SPATA16: variants seen among roughly 807,000 people sequenced by gnomAD.
SPATA16 encodes the protein spermatogenesis-associated protein 16.
A neutral mutation model predicts 63.3 loss-of-function variants in SPATA16; 36 were observed. The ratio of observed to expected loss-of-function variants is 0.57; its 90% CI spans 0.44 to 0.75. SPATA16 has a LOEUF of 0.75. Among genes scored for constraint, SPATA16 ranks in the 30% least tolerant of loss-of-function variants. The probability of loss-of-function intolerance (pLI) is 0.00; values close to 1 mark genes in which losing one functional copy is unlikely to be tolerated. For synonymous variants in SPATA16, 203 were observed against 216.7 expected (o/e 0.94, Z 0.56); for missense variants, 646 against 679.3 (o/e 0.95, Z 0.54).
intron 4 of SPATA16, among the ~76,000 whole-genome samples, chr3:172,996,995 T>A (rs1734707452): frequency 6.6e-6 from 1 of 152,154 alleles, no homozygotes; most frequent in South Asian, 2.1e-4. Flanking sequence ...AACAGTATTC[T>A]ATTGTCTAGA....
chr3:173,055,578 TA>T (rs1309224847), intron 2 of SPATA16, among the ~76,000 whole-genome samples: 2 of 152,220 alleles, frequency 1.3e-5, no homozygotes, highest in Non-Finnish European at 2.9e-5. Flanking sequence ...GAGAACAGAT[TA>T]TTGATAATGA....
chr3:173,063,437 G>T (rs1305550636), intron 2 of SPATA16, among the ~76,000 whole-genome samples: 1 of 152,166 alleles, frequency 6.6e-6, no homozygotes, highest in African/African-American at 2.4e-5. Context: ...GAGAAAAGGG[G>T]CACGGTTCTT....
At chr3:172,956,027 G>A (rs79932758) in intron 6 of SPATA16, among the ~76,000 whole-genome samples, 6,151 of 152,110 alleles carry the variant, frequency 0.04, 422 homozygotes, top group African/African-American at 0.14. Context: ...TTCTTAACAC[G>A]GAAGTCATTG....
chr3:173,040,499 A>G (rs1055713234), intron 3 of SPATA16, among the ~76,000 whole-genome samples: 2 of 152,144 alleles, frequency 1.3e-5, no homozygotes, highest in African/African-American at 4.8e-5. Flanking sequence ...GCTAAATGTT[A>G]TTATTCACAA....
chr3:173,000,386 A>G (rs1734789817), intron 4 of SPATA16, among the ~76,000 whole-genome samples: 1 of 152,160 alleles, frequency 6.6e-6, no homozygotes, highest in South Asian at 2.1e-4. Flanking sequence ...TACTTTAAAT[A>G]TTTCACTCTG....
At chr3:173,034,971 C>A (rs551018675) in intron 3 of SPATA16, among the ~76,000 whole-genome samples, 30 of 152,142 alleles carry the variant, frequency 2.0e-4, no homozygotes, top group Non-Finnish European at 4.0e-4. Context: ...TTCTTTGGCT[C>A]ACTGTATTGA....
In SPATA16 at chr3:173,068,041, A is replaced by C. The variant is rs191131080; in HGVS notation, c.613-18947T>G. Among the ~76,000 whole-genome samples the C allele has an allele frequency of 1.1e-3, 162 of 152,338 alleles. 1 individual carries two copies. Among genetic ancestry groups the C allele is most frequent in the Non-Finnish European group, 2.0e-3 (137 of 68,016 alleles). On this transcript the variant is annotated intron_variant, in intron 2 of 10. Transcript: ENST00000351008. ...TCCTTCAAACATGAAGGAGACAAAC[A>C]AAAGCTGTGGGACTTCATCAACTCT...
At chr3:173,042,915 A>G (rs1465347424) in intron 3 of SPATA16, among the ~76,000 whole-genome samples, 2 of 152,184 alleles carry the variant, frequency 1.3e-5, no homozygotes, top group African/African-American at 4.8e-5. Context: ...TTGAAATTTT[A>G]ATTGAGTCTT....
At chr3:173,096,720 G>A (rs146894491) in intron 2 of SPATA16, among the ~76,000 whole-genome samples, 34 of 152,132 alleles carry the variant, frequency 2.2e-4, no homozygotes, top group African/African-American at 7.0e-4. Flanking sequence ...TTGAATTTAG[G>A]TAATGTATCC....
At chr3:172,917,393 T>C (rs1413191868) in intron 8 of SPATA16, among the ~76,000 whole-genome samples, 2 of 152,144 alleles carry the variant, frequency 1.3e-5, no homozygotes, top group African/African-American at 2.4e-5. Context: ...TGATGAGAAA[T>C]GGGAATTCAA....
intron 6 of SPATA16, among the ~76,000 whole-genome samples, chr3:172,925,764 T>C (rs548737546): frequency 6.6e-6 from 1 of 152,298 alleles, no homozygotes; most frequent in South Asian, 2.1e-4. Flanking sequence ...TTCAGAATAA[T>C]AGACATTCAG....
chr3:172,963,884 C>G (rs1733845720), intron 5 of SPATA16, among the ~76,000 whole-genome samples: 1 of 152,150 alleles, frequency 6.6e-6, no homozygotes, highest in Admixed American at 6.6e-5. Context: ...CTAAGCCAAT[C>G]TTTCTTCTAC....
At chr3:173,017,510 G>T (rs1311955088) in intron 4 of SPATA16, among the ~76,000 whole-genome samples, 1 of 152,092 alleles carries the variant, frequency 6.6e-6, no homozygotes, top group Non-Finnish European at 1.5e-5. Flanking sequence ...ATAGCCAATG[G>T]TATGCTGGTA....
intron 6 of SPATA16, among the ~76,000 whole-genome samples, chr3:172,950,970 CT>C (rs1733417313): frequency 6.6e-6 from 1 of 152,008 alleles, no homozygotes; most frequent in South Asian, 2.1e-4. Context: ...GATTGTATTA[CT>C]TTATTATTAT....
rs567107400 is a variant in SPATA16 at position 173,015,858 on chromosome 3, T to TGG, written c.848+3626_848+3627dup. On this transcript the variant is annotated intron_variant, in intron 4 of 10. Coordinates refer to ENST00000351008, the MANE Select transcript of SPATA16 (RefSeq NM_031955.6). ...TTCTTCTCATGAAGGTAGTCCCAAATGGGGTGTGTGTGTGTGTGTGTGTGT... is the reference window on the plus strand; with the variant it reads ...TTCTTCTCATGAAGGTAGTCCCAAATGGGGGGTGTGTGTGTGTGTGTGTGTGT... 1.4e-4 allele frequency among the ~76,000 whole-genome samples: 11 copies of TGG among 76,998 alleles called. No homozygotes were observed. In the South Asian group the frequency reaches 5.1e-3, roughly 36 times the overall value. The allele number at this position is 76,998 out of a possible 152,430, so 50.5% of individuals were successfully genotyped here. A position where few individuals can be genotyped will look rare whatever the true frequency, so the allele number is the denominator to read the frequency against.
chr3:173,127,737 G>A (rs1738264968), intron 1 of SPATA16, among the ~76,000 whole-genome samples: 1 of 152,234 alleles, frequency 6.6e-6, no homozygotes, highest in Non-Finnish European at 1.5e-5. Flanking sequence ...CTTTGGTGAT[G>A]TCAATTTTGA....
intron 5 of SPATA16, among the ~76,000 whole-genome samples, chr3:172,958,027 A>T (rs935875900): frequency 6.6e-6 from 1 of 152,166 alleles, no homozygotes; most frequent in Non-Finnish European, 1.5e-5. Flanking sequence ...TGGTGGACAA[A>T]TTTCTGAATG....
intron 4 of SPATA16, among the ~76,000 whole-genome samples, chr3:173,009,156 G>C (rs376929363): frequency 9.2e-5 from 14 of 152,350 alleles, no homozygotes; most frequent in African/African-American, 3.4e-4. Context: ...CAAGATGGCA[G>C]ACTAGAAGCA....
At chr3:172,955,784 A>G (rs1258148672) in intron 6 of SPATA16, among the ~76,000 whole-genome samples, 1 of 152,154 alleles carries the variant, frequency 6.6e-6, no homozygotes, top group Admixed American at 6.5e-5. Context: ...TGGAAAAGCT[A>G]TGTGTCTTCT....
Sources: gnomAD v4.1 joint callset for allele counts (sites outside exome capture counted in the v4.1 genomes callset) on GRCh38, gnomAD v4.1.1 for gene constraint, MANE v1.5 for transcripts, NCBI Gene and HGNC (gene_info 2026-07-23, HGNC 2026-07-21) for gene names.